Variants in CGNL1 observed in about 807,000 individuals in gnomAD.
CGNL1 encodes cingulin like 1, also known as cingulin-like protein 1.
In CGNL1, 132 loss-of-function variants were observed where a neutral mutation model predicts 141.2. The ratio of observed to expected loss-of-function variants is 0.93; its 90% CI spans 0.81 to 1.08. CGNL1 has a LOEUF of 1.08. Ranked by LOEUF, CGNL1 falls within the 50% of genes least tolerant of loss-of-function variation. The probability of loss-of-function intolerance (pLI) is 0.00; values close to 1 mark genes in which losing one functional copy is unlikely to be tolerated. For missense variants in CGNL1, 1,870 were observed against 1,588.6 expected, an observed-to-expected ratio of 1.18 and a Z score of -3.01; for synonymous variants, 690 against 622.1, an observed-to-expected ratio of 1.11 and a Z score of -1.63.
chr15:57,436,550 C>G (rs2063108073), intron 1 of CGNL1, among the ~76,000 whole-genome samples: 1 of 152,058 alleles, frequency 6.6e-6, no homozygotes, highest in African/African-American at 2.4e-5. Context: ...TGTGGGGAGT[C>G]TATTAGTAGG....
In CGNL1 at chr15:57,474,395, C is replaced by G. The variant is rs534643303; in HGVS notation, c.2403+12503C>G. Among the ~76,000 whole-genome samples the G allele has an allele frequency of 4.6e-5, 7 of 152,294 alleles. No homozygotes were observed. The East Asian group carries it at 1.4e-3, about 29-fold the overall frequency. ...TGGCTCTAGCAGAACCCACAGCATC[C>G]TGCCATGCCCTTGGTTTAGTCCTTG... On this transcript the variant is annotated intron_variant, in intron 8 of 18. Coordinates refer to ENST00000281282, the MANE Select transcript of CGNL1 (RefSeq NM_032866.5).
Position 57,528,790 on chromosome 15 carries a change from G to C in CGNL1, c.3176G>C (p.Arg1059Pro). ...LEAKSHLKDD[R>P]SRLVKQMEDK... Reference sequence around the variant, plus strand: ...GCCAAGAGTCACCTCAAAGATGACCGCAGCAGGCTGGTCAAGCAGATGGAG... The same window carrying C: ...GCCAAGAGTCACCTCAAAGATGACCCCAGCAGGCTGGTCAAGCAGATGGAG... The change falls in exon 13 of 19, where the codon CGC becomes CCC. Residue 1059 changes from arginine to proline, a missense_variant. Physicochemically the swap from Arg to Pro is moderately radical, Grantham distance 103. Coordinates refer to ENST00000281282, the MANE Select transcript of CGNL1 (RefSeq NM_032866.5). 1 of 1,613,980 alleles carries C rather than the reference G, an allele frequency of 6.2e-7. No individual in the cohort carries two copies. Among genetic ancestry groups the C allele is most frequent in the Non-Finnish European group, 8.5e-7 (1 of 1,179,996 alleles).
intron 7 of CGNL1, among the ~76,000 whole-genome samples, chr15:57,455,972 T>C (rs2063374728): frequency 6.6e-6 from 1 of 152,228 alleles, no homozygotes. Flanking sequence ...TACTGCTGCC[T>C]TTCTGCAAGA....
rs575171228 is a variant in CGNL1 at position 57,429,227 on chromosome 15, T to C, written c.-15-8758T>C. 2.6e-5 allele frequency among the ~76,000 whole-genome samples: 4 copies of C among 152,280 alleles called. No individual in the cohort carries two copies. The East Asian group carries it at 5.8e-4, about 22-fold the overall frequency. ...GCTGAGTTGACTACACAATTACCAG[T>C]GACAACACTGAGAAATCTAAGAAGA... On this transcript the variant is annotated intron_variant, in intron 1 of 18. Transcript: ENST00000281282.
At chr15:57,545,002 C>A (rs1230253626) in intron 16 of CGNL1, among the ~76,000 whole-genome samples, 2 of 152,190 alleles carry the variant, frequency 1.3e-5, no homozygotes, top group African/African-American at 4.8e-5. Flanking sequence ...GGCTGACTAG[C>A]CACCAGTCAG....
At chr15:57,545,878 T>G (rs1457624873) in intron 17 of CGNL1, among the ~76,000 whole-genome samples, 178 bp downstream of exon 17, 7 of 152,172 alleles carry the variant, frequency 4.6e-5, no homozygotes, top group African/African-American at 1.7e-4. Context: ...TTAGGGGATA[T>G]CAGCAAATTC....
chr15:57,430,819 A>G (rs1480447731), intron 1 of CGNL1, among the ~76,000 whole-genome samples: 7 of 152,202 alleles, frequency 4.6e-5, no homozygotes, highest in Non-Finnish European at 8.8e-5. Flanking sequence ...CCCAGGGTTC[A>G]AGTGATTCTC....
chr15:57,422,896 C>T (rs929351532), intron 1 of CGNL1, among the ~76,000 whole-genome samples: 2 of 152,130 alleles, frequency 1.3e-5, no homozygotes, highest in African/African-American at 2.4e-5. Flanking sequence ...GAAAGTGACT[C>T]ATCTAAGGGA....
At chr15:57,494,904 A>G (rs1427261215) in intron 8 of CGNL1, among the ~76,000 whole-genome samples, 3 of 152,246 alleles carry the variant, frequency 2.0e-5, no homozygotes, top group Non-Finnish European at 4.4e-5. Flanking sequence ...CTGTAAAGCC[A>G]GAAGGTAGCT....
chr15:57,391,003 G>A (rs1313021740), intron 1 of CGNL1, among the ~76,000 whole-genome samples: 1 of 152,138 alleles, frequency 6.6e-6, no homozygotes, highest in Non-Finnish European at 1.5e-5. Flanking sequence ...GTGCCTGTGT[G>A]TACCATGTCC....
At chr15:57,530,321 T>A (rs1183605548) in intron 13 of CGNL1, among the ~76,000 whole-genome samples, 2 of 152,232 alleles carry the variant, frequency 1.3e-5, no homozygotes, top group Non-Finnish European at 2.9e-5. Flanking sequence ...TTTGCCCCTT[T>A]GCAATATTTA....
chr15:57,465,314 C>T (rs966403190), intron 8 of CGNL1, among the ~76,000 whole-genome samples: 9 of 151,060 alleles, frequency 6.0e-5, no homozygotes, highest in Non-Finnish European at 7.4e-5. Context: ...TAAATATGTG[C>T]TCTTACACTT....
intron 14 of CGNL1, among the ~76,000 whole-genome samples, chr15:57,542,247 G>A (rs1289805889): frequency 1.3e-5 from 2 of 152,232 alleles, no homozygotes; most frequent in Admixed American, 1.3e-4. Context: ...TGTGTCAGAT[G>A]CTCTCCAGGC....
In CGNL1 at chr15:57,394,141, T is replaced by C. The variant is rs536125405; in HGVS notation, c.-16+17574T>C. 2.1e-5 allele frequency: 3 copies of C among 145,612 alleles called. No individual in the cohort carries two copies. The East Asian group carries it at 5.9e-4, about 29-fold the overall frequency. 9.0% of individuals were successfully genotyped at this position (145,612 alleles called of 1,614,324 possible). On this transcript the variant is annotated intron_variant, in intron 1 of 18. Coordinates refer to ENST00000281282, the MANE Select transcript of CGNL1 (RefSeq NM_032866.5). ...TTTTTTTGAGATGGAGTTTCGCTCT[T>C]CTTGTCCAGGCTGGAGTACAAGCTC... is the stretch of plus-strand genomic sequence containing the variant.
At chr15:57,467,718 T>G (rs1260186757) in intron 8 of CGNL1, among the ~76,000 whole-genome samples, 1 of 140,106 alleles carries the variant, frequency 7.1e-6, no homozygotes, top group Non-Finnish European at 1.5e-5. Flanking sequence ...AGATGGAGTC[T>G]GACTCTTGTT....
intron 1 of CGNL1, among the ~76,000 whole-genome samples, chr15:57,436,966 A>T (rs943632212): frequency 2.0e-5 from 3 of 152,188 alleles, no homozygotes; most frequent in South Asian, 2.1e-4. Flanking sequence ...ATAGAAAGAA[A>T]ACTCAAAAAG....
intron 1 of CGNL1, among the ~76,000 whole-genome samples, chr15:57,396,187 G>A (rs754226552): frequency 1.2e-4 from 18 of 151,800 alleles, no homozygotes; most frequent in African/African-American, 1.7e-4. Context: ...GTACAAATAT[G>A]CCTCACTGTT....
intron 8 of CGNL1, among the ~76,000 whole-genome samples, chr15:57,485,871 T>C (rs1015807314): frequency 6.6e-6 from 1 of 152,154 alleles, no homozygotes; most frequent in Non-Finnish European, 1.5e-5. Flanking sequence ...CAGATGCTGA[T>C]TTAAAAGGAG....
At chr15:57,435,078 T>C (rs574478515) in intron 1 of CGNL1, among the ~76,000 whole-genome samples, 1 of 152,158 alleles carries the variant, frequency 6.6e-6, no homozygotes, top group African/African-American at 2.4e-5. Context: ...ATCTCACAGA[T>C]GTAATGTAGT....
Sources: allele counts gnomAD v4.1 joint callset (sites outside exome capture counted in the v4.1 genomes callset), GRCh38; gene constraint gnomAD v4.1.1; transcripts MANE v1.5; gene names NCBI Gene and HGNC (gene_info 2026-07-23, HGNC 2026-07-21).